Variants in CSNK1G3 observed in about 807,000 individuals in gnomAD.
CSNK1G3 encodes casein kinase 1 gamma 3.
CSNK1G3 carries 23 observed loss-of-function variants against 64.3 expected under a neutral mutation model. That is an observed-to-expected ratio of 0.36 (90% CI 0.26 to 0.51). The LOEUF is 0.51. Among genes scored for constraint, CSNK1G3 ranks in the 20% least tolerant of loss-of-function variants. The pLI is 0.96. For synonymous variants in CSNK1G3, 158 were observed against 162.2 expected (o/e 0.97, Z 0.20); for missense variants, 357 against 510.5 (o/e 0.70, Z 2.90).
chr5:123,591,299 C>G lies in CSNK1G3; in HGVS notation c.991-20C>G. 6.8e-7 allele frequency: 1 copy of G among 1,468,808 alleles called. No homozygotes were observed. Among genetic ancestry groups the G allele is most frequent in the Non-Finnish European group, 9.3e-7 (1 of 1,077,488 alleles). 91.0% of individuals were successfully genotyped at this position (1,468,808 alleles called of 1,614,324 possible). On this transcript the variant is annotated intron_variant, in intron 9 of 12. Coordinates refer to ENST00000345990, the Ensembl canonical transcript of CSNK1G3. ...ATTTTAAAATGGAATGTATTGATAC[C>G]AATTGTTATTGTATTGTAGCCTACT...
chr5:123,538,264 C>T (rs1017448938), intron 1 of CSNK1G3, among the ~76,000 whole-genome samples: 4 of 152,002 alleles, frequency 2.6e-5, no homozygotes, highest in Non-Finnish European at 1.5e-5. Flanking sequence ...ACCTTTTTTC[C>T]AAAGTCATAC....
chr5:123,588,378 A>G, intron 7 of CSNK1G3, 49 bp from the exon 8 acceptor site: 2 of 1,436,474 alleles, frequency 1.4e-6, no homozygotes, highest in Non-Finnish European at 2.0e-6. Context: ...GTCCCAGCTA[A>G]ATAATTTTTA....
chr5:123,577,788 A>G lies in CSNK1G3; in HGVS notation c.673+1825A>G, dbSNP rs554365078. 8.9e-4 allele frequency among the ~76,000 whole-genome samples: 136 copies of G among 152,002 alleles called. 1 individual carries two copies. Among genetic ancestry groups the G allele is most frequent in the African/African-American group, 3.2e-3 (132 of 41,544 alleles). On this transcript the variant is annotated intron_variant, in intron 6 of 12. Transcript: ENST00000345990. ...ACATTTGATTATATAATTTGTGAGT[A>G]TTGATGAATGTGCATACTATGTAAC...
intron 1 of CSNK1G3, among the ~76,000 whole-genome samples, chr5:123,514,061 C>T (rs1331498078): frequency 6.6e-6 from 1 of 152,162 alleles, no homozygotes; most frequent in Non-Finnish European, 1.5e-5. Flanking sequence ...TTATCAAATA[C>T]ATTGTGTGGC....
Position 123,541,050 on chromosome 5 carries a change from G to A in CSNK1G3, c.-247-4367G>A, listed in dbSNP as rs143843651. Among the ~76,000 whole-genome samples, 10 of 151,906 alleles carry A rather than the reference G, an allele frequency of 6.6e-5. No homozygotes were observed. The East Asian group carries it at 9.7e-4, about 15-fold the overall frequency. On this transcript the variant is annotated intron_variant, in intron 1 of 12. Coordinates refer to ENST00000345990, the Ensembl canonical transcript of CSNK1G3. ...GCATTGAAAGGGAATTTTATTTTGC[G>A]GTATTTTATACATGGCAGTTAGCTC...
At chr5:123,606,307 A>G (rs977086732) in intron 12 of CSNK1G3, among the ~76,000 whole-genome samples, 12 of 152,144 alleles carry the variant, frequency 7.9e-5, no homozygotes, top group African/African-American at 2.9e-4. Context: ...CCGTGAAAGT[A>G]TAGTCTTACT....
At chr5:123,541,227 A>G (rs1781625770) in intron 1 of CSNK1G3, among the ~76,000 whole-genome samples, 1 of 151,886 alleles carries the variant, frequency 6.6e-6, no homozygotes, top group Non-Finnish European at 1.5e-5. Context: ...TTGCTCATTC[A>G]TATTTATGGT....
At chr5:123,572,031 A>G (rs979410943) in intron 4 of CSNK1G3, among the ~76,000 whole-genome samples, 2 of 152,352 alleles carry the variant, frequency 1.3e-5, no homozygotes, top group African/African-American at 4.8e-5. Context: ...CTTGGCTACA[A>G]GGATCATTAA....
intron 10 of CSNK1G3, 59 bp downstream of exon 11, chr5:123,595,193 T>C: frequency 6.9e-7 from 1 of 1,455,616 alleles, no homozygotes; most frequent in Non-Finnish European, 9.6e-7. Context: ...TAACCCTTTT[T>C]TTTGGAACTC....
rs779990928 is a variant in CSNK1G3, at chr5:123,553,099, T to C, written c.179-8T>C. ...CTGGCAGAATCTGATTTTTTTTTCTTTTTCAAGGGAAAAATTTATACACAA... is the reference window on the plus strand; with the variant it reads ...CTGGCAGAATCTGATTTTTTTTTCTCTTTCAAGGGAAAAATTTATACACAA... On this transcript the variant is annotated splice_region_variant and splice_polypyrimidine_tract_variant and intron_variant, in intron 2 of 12. Transcript: ENST00000345990. 2.2e-6 allele frequency: 3 copies of C among 1,378,724 alleles called. No homozygotes were observed. In the East Asian group the frequency reaches 7.8e-5, roughly 36 times the overall value. The allele number at this position is 1,378,724 out of a possible 1,614,324, so 85.4% of individuals were successfully genotyped here. A position where few individuals can be genotyped will look rare whatever the true frequency, so the allele number is the denominator to read the frequency against.
At chr5:123,516,369 T>G (rs1215502454) in intron 1 of CSNK1G3, among the ~76,000 whole-genome samples, 3 of 152,186 alleles carry the variant, frequency 2.0e-5, no homozygotes, top group African/African-American at 7.2e-5. Flanking sequence ...AAATATGGAA[T>G]GGGAGATAAA....
At chr5:123,586,751 TG>T (rs1423625135) in intron 6 of CSNK1G3, among the ~76,000 whole-genome samples, 13 of 152,136 alleles carry the variant, frequency 8.5e-5, no homozygotes, top group Middle Eastern at 3.2e-3. Flanking sequence ...TCATAACAAG[TG>T]TTATTGAAAA....
intron 5 of CSNK1G3, among the ~76,000 whole-genome samples, chr5:123,574,553 C>T (rs963896781): frequency 6.6e-6 from 1 of 151,948 alleles, no homozygotes; most frequent in Non-Finnish European, 1.5e-5. Flanking sequence ...GGTGTGGTGG[C>T]TTGTGCCTGT....
intron 10 of CSNK1G3, among the ~76,000 whole-genome samples, chr5:123,592,153 A>G (rs1054326533): frequency 6.6e-6 from 1 of 152,112 alleles, no homozygotes; most frequent in African/African-American, 2.4e-5. Context: ...TGGAAAAGGT[A>G]GCTTTTGACA....
intron 1 of CSNK1G3, among the ~76,000 whole-genome samples, chr5:123,540,758 G>A (rs1581003902): frequency 6.6e-6 from 1 of 151,900 alleles, no homozygotes; most frequent in East Asian, 1.9e-4. Context: ...TCAGCCTCCC[G>A]AGCAGCTGGG....
rs1198336672 is a variant in CSNK1G3, at chr5:123,604,690, A to ATAT, written c.1087-33_1087-31dup. The ATAT allele has an allele frequency of 2.6e-6, 3 of 1,160,938 alleles. No homozygotes were observed. In the African/African-American group the frequency reaches 4.6e-5, roughly 18 times the overall value. 71.9% of individuals were successfully genotyped at this position (1,160,938 alleles called of 1,614,324 possible). A position where few individuals can be genotyped will look rare whatever the true frequency, so the allele number is the denominator to read the frequency against. On this transcript the variant is annotated intron_variant, in intron 10 of 12. Transcript: ENST00000345990. ...TATATTTATGAGCATGTGTGTGTAC[A>ATAT]TATACATATATAAAAAATTTTTTTT...
At chr5:123,550,575 T>G (rs1310106164) in intron 2 of CSNK1G3, among the ~76,000 whole-genome samples, 3 of 152,330 alleles carry the variant, frequency 2.0e-5, no homozygotes, top group Non-Finnish European at 4.4e-5. Context: ...ATGTGTAGTT[T>G]TTGAAGAACA....
intron 2 of CSNK1G3, among the ~76,000 whole-genome samples, chr5:123,549,980 T>A (rs992426768): frequency 1.2e-4 from 19 of 152,234 alleles, no homozygotes; most frequent in Admixed American, 6.5e-5. Context: ...CTCCTTATTT[T>A]ATTGTTTATG....
At chr5:123,607,773 A>T (rs1297040478) in intron 12 of CSNK1G3, among the ~76,000 whole-genome samples, 1 of 152,206 alleles carries the variant, frequency 6.6e-6, no homozygotes, top group African/African-American at 2.4e-5. Context: ...GCAACTCATA[A>T]TATCAGTGAA....
Sources: gnomAD v4.1 joint callset for allele counts (sites outside exome capture counted in the v4.1 genomes callset) on GRCh38, gnomAD v4.1.1 for gene constraint, MANE v1.5 for transcripts, NCBI Gene and HGNC (gene_info 2026-07-23, HGNC 2026-07-21) for gene names.